The following AP3M2 variants were observed in gnomAD, a reference collection of about 807,000 sequenced individuals.
The protein encoded by AP3M2 is AP-3 complex subunit mu-2.
Under a neutral mutation model 41.6 loss-of-function variants are expected in AP3M2, and 28 were observed. The ratio of observed to expected loss-of-function variants is 0.67; its 90% confidence interval spans 0.50 to 0.92. The LOEUF is 0.92. Among genes scored for constraint, AP3M2 ranks in the 40% least tolerant of loss-of-function variants. The pLI is 0.00. For missense variants in AP3M2, 427 were observed against 521.4 expected, an observed-to-expected ratio of 0.82 and a Z score of 1.76; for synonymous variants, 193 against 186.4, an observed-to-expected ratio of 1.04 and a Z score of -0.29.
intron 2 of AP3M2, among the ~76,000 whole-genome samples, chr8:42,156,731 A>G (rs1213431222): frequency 6.6e-6 from 1 of 152,122 alleles, no homozygotes; most frequent in African/African-American, 2.4e-5. Context: ...GACGTTATCT[A>G]ATGTAATTTA....
Position 42,169,705 on chromosome 8 carries a change from A to G in AP3M2, c.*644A>G, listed in dbSNP as rs1218831005. ...CTGGAGACTTTTTAAATTTGAGTCC[A>G]CTATTGACATGGAAACCCCAGTGGA... On this transcript the variant is annotated 3_prime_UTR_variant, in exon 9 of 9. Coordinates refer to ENST00000396926, the MANE Select transcript of AP3M2 (RefSeq NM_006803.4). The G allele has an allele frequency of 6.6e-6, 1 of 152,190 alleles. No homozygotes were observed. The highest frequency in any genetic ancestry group is 1.5e-5 in the Non-Finnish European group (1 of 68,040). 9.4% of individuals were successfully genotyped at this position (152,190 alleles called of 1,614,324 possible).
Position 42,170,000 on chromosome 8 carries a change from A to G in AP3M2, c.*939A>G, listed in dbSNP as rs2129652203. 1 of 152,330 alleles carries G rather than the reference A, an allele frequency of 6.6e-6. No individual in the cohort carries two copies. The highest frequency in any genetic ancestry group is 1.5e-5 in the Non-Finnish European group (1 of 68,044). The allele number at this position is 152,330 out of a possible 1,614,324, so 9.4% of individuals were successfully genotyped here. On this transcript the variant is annotated 3_prime_UTR_variant, in exon 9 of 9. Transcript: ENST00000396926. The stretch of plus-strand genomic sequence containing the variant: ...CAGAGAAGCCGATCCCATAATCCCC[A>G]GTGCAGCCAGGGTTTGTGTGTCATC...
intron 2 of AP3M2, among the ~76,000 whole-genome samples, chr8:42,156,649 G>A (rs1413855712): frequency 6.6e-6 from 1 of 152,098 alleles, no homozygotes; most frequent in Non-Finnish European, 1.5e-5. Context: ...CTCTTAAAGA[G>A]GAAATCTTTT....
chr8:42,158,641 A>AT (rs1320628611), intron 3 of AP3M2, among the ~76,000 whole-genome samples: 1 of 152,244 alleles, frequency 6.6e-6, no homozygotes, highest in South Asian at 2.1e-4. Flanking sequence ...CTTTAAAAAT[A>AT]TTTTTTTCTG....
intron 2 of AP3M2, chr8:42,155,934 G>A (rs755006293): frequency 2.2e-6 from 1 of 454,698 alleles, no homozygotes. Flanking sequence ...CCCTTCCCAA[G>A]AGAATTAAAA....
chr8:42,166,648 T>G (rs1329424471), intron 6 of AP3M2, among the ~76,000 whole-genome samples: 7 of 147,684 alleles, frequency 4.7e-5, no homozygotes, highest in Non-Finnish European at 1.0e-4. Context: ...GTGCCTGTGG[T>G]CCCAGCTACT....
rs1804752993 is a variant in AP3M2, at chr8:42,170,008, C to T, written c.*947C>T. ...CCGATCCCATAATCCCCAGTGCAGC[C>T]AGGGTTTGTGTGTCATCGTACTGGA... On this transcript the variant is annotated 3_prime_UTR_variant, in exon 9 of 9. Coordinates refer to ENST00000396926, the MANE Select transcript of AP3M2 (RefSeq NM_006803.4). The T allele has an allele frequency of 1.3e-5, 2 of 152,264 alleles. No individual in the cohort carries two copies. The highest frequency in any genetic ancestry group is 2.1e-4 in the South Asian group (1 of 4,822). 9.4% of individuals were successfully genotyped at this position (152,264 alleles called of 1,614,324 possible).
chr8:42,162,104 G>C, intron 3 of AP3M2, 177 bp from the exon 4 acceptor site: 2 of 483,768 alleles, frequency 4.1e-6, no homozygotes, highest in East Asian at 3.4e-5. Flanking sequence ...TGGCAACAAG[G>C]GGTTTTAAAA....
intron 8 of AP3M2, 83 bp downstream of exon 8, chr8:42,167,893 TG>T (rs749948404): frequency 9.5e-6 from 14 of 1,477,462 alleles, no homozygotes; most frequent in Non-Finnish European, 1.0e-5. Flanking sequence ...GAAGCCTTTC[TG>T]GGCTTCCTGT....
chr8:42,162,820 C>G lies in AP3M2; in HGVS notation c.583+402C>G, dbSNP rs553783997. Among the ~76,000 whole-genome samples, 19 of 151,606 alleles carry G rather than the reference C, an allele frequency of 1.3e-4. No homozygotes were observed. The South Asian group carries it at 4.0e-3, about 32-fold the overall frequency. ...AATTACCTGAGCATAGTTGTGCATGCCTGTATTCCTAACTTTGTGAGGGGC... is the reference window on the plus strand; with the variant it reads ...AATTACCTGAGCATAGTTGTGCATGGCTGTATTCCTAACTTTGTGAGGGGC... On this transcript the variant is annotated intron_variant, in intron 4 of 8. Coordinates refer to ENST00000396926, the MANE Select transcript of AP3M2 (RefSeq NM_006803.4).
chr8:42,160,483 T>C (rs984514962), intron 3 of AP3M2, among the ~76,000 whole-genome samples: 3 of 152,238 alleles, frequency 2.0e-5, no homozygotes, highest in Non-Finnish European at 4.4e-5. Context: ...CACTTCACAC[T>C]ATACACAAAA....
At chr8:42,164,416 T>C (rs1382617256) in intron 4 of AP3M2, among the ~76,000 whole-genome samples, 1 of 152,146 alleles carries the variant, frequency 6.6e-6, no homozygotes, top group African/African-American at 2.4e-5. Flanking sequence ...TAAATGAACA[T>C]TGAAGCCTTG....
Position 42,165,100 on chromosome 8 carries a change from G to T in AP3M2, c.613G>T (p.Val205Leu), listed in dbSNP as rs753233042. 1.9e-6 allele frequency: 3 copies of T among 1,614,052 alleles called. No individual in the cohort carries two copies. The highest frequency in any genetic ancestry group is 4.5e-5 in the East Asian group (2 of 44,880). ...CACAATTACTGCTGAGATCCAGGGG[G>T]TGATTGATGCCTGTGTCAAGCTGAC... is the stretch of plus-strand genomic sequence containing the variant. The part of the protein sequence containing the change: ...GSTITAEIQG[V>L]IDACVKLTGM... Residue 205 changes from valine (V) to leucine (L), a missense_variant, in exon 5 of 9, where the codon GTG (valine) becomes TTG (leucine). This residue lies in a region of AP3M2 where 237 missense variants were observed against 284.9 expected (regional missense o/e 0.83). Coordinates refer to ENST00000396926, the MANE Select transcript of AP3M2 (RefSeq NM_006803.4).
rs773526719 is a variant in AP3M2 at position 42,167,617 on chromosome 8, G to C, written c.1012-49G>C. 2.5e-6 allele frequency: 4 copies of C among 1,586,276 alleles called. No individual in the cohort carries two copies. The East Asian group carries it at 8.9e-5, about 35-fold the overall frequency. ...GCCACCTCAAATGCAGGATTCTGCT[G>C]TAACTATTTTTTGGAAAGACCACTT... On this transcript the variant is annotated intron_variant, in intron 7 of 8. Transcript: ENST00000396926.
At position 42,169,031 on chromosome 8, in the gene AP3M2, C is replaced by T. The variant is rs779331439; in HGVS notation, c.1227C>T (p.Thr409=). The stretch of plus-strand genomic sequence containing the variant: ...CCTTTAAGGGCATAAAATACATGAC[C>T]AAAGCTGGGAAGTTCCAAGTTCGAA... ...YKPFKGIKYM[T]KAGKFQVRT The change falls in exon 9 of 9, where the codon ACC becomes ACT. Residue 409 remains threonine (T), a synonymous_variant. Coordinates refer to ENST00000396926, the MANE Select transcript of AP3M2 (RefSeq NM_006803.4). The T allele has an allele frequency of 1.2e-6, 2 of 1,611,396 alleles. No homozygotes were observed. The highest frequency in any genetic ancestry group is 1.7e-6 in the Non-Finnish European group (2 of 1,178,846).
At chr8:42,162,514 C>T in intron 4 of AP3M2, 96 bp downstream of exon 4, 2 of 1,411,914 alleles carry the variant, frequency 1.4e-6, no homozygotes, top group Non-Finnish European at 1.9e-6. Context: ...CATTCAAGGT[C>T]ATCCACTTCA....
intron 8 of AP3M2, chr8:42,168,392 A>G (rs1275830944): frequency 6.0e-6 from 2 of 332,512 alleles, no homozygotes; most frequent in Non-Finnish European, 1.2e-5. Flanking sequence ...TGATGTGGAA[A>G]GGAGATGACT....
At chr8:42,158,320 C>T (rs1434295457) in intron 3 of AP3M2, among the ~76,000 whole-genome samples, 1 of 150,940 alleles carries the variant, frequency 6.6e-6, no homozygotes, top group Non-Finnish European at 1.5e-5. Context: ...GTGATCTTGG[C>T]TCACTGCAAC....
In AP3M2 at chr8:42,162,505, ATTCAAGGTCATCCAC is replaced by A. The variant is rs991773214; in HGVS notation, c.583+93_583+107del. ...GCTTGTAGTTTCAGAATTAACCCCCATTCAAGGTCATCCACTTCAATTTAGTGCCTACTTTGTGCC... is the reference window on the plus strand; with the variant it reads ...GCTTGTAGTTTCAGAATTAACCCCCATTCAATTTAGTGCCTACTTTGTGCC... On this transcript the variant is annotated intron_variant, in intron 4 of 8. Coordinates refer to ENST00000396926, the MANE Select transcript of AP3M2 (RefSeq NM_006803.4). 1.4e-4 allele frequency: 201 copies of A among 1,456,640 alleles called. 2 individuals carry two copies. The African/African-American group carries it at 2.6e-3, about 19-fold the overall frequency. 90.2% of individuals were successfully genotyped at this position (1,456,640 alleles called of 1,614,324 possible).
Sources: allele counts gnomAD v4.1 joint callset (sites outside exome capture counted in the v4.1 genomes callset), GRCh38; gene constraint gnomAD v4.1.1; regional missense constraint gnomAD v4.1.1; transcripts MANE v1.5; gene names NCBI Gene and HGNC (gene_info 2026-07-23, HGNC 2026-07-21).